The following FAM227B variants were observed in gnomAD, a reference collection of about 807,000 sequenced individuals.
The protein encoded by FAM227B is family with sequence similarity 227 member B, also known as protein FAM227B.
Under a neutral mutation model 73.8 loss-of-function variants are expected in FAM227B, and 88 were observed. The ratio of observed to expected loss-of-function variants is 1.19; its 90% CI spans 1.00 to 1.42. FAM227B has a LOEUF of 1.42. Among genes scored for constraint, FAM227B ranks in the 40% most tolerant of loss-of-function variants. The pLI, the probability that FAM227B is intolerant of heterozygous loss-of-function variation, is 0.00. For missense variants in FAM227B, 632 were observed against 590.9 expected (o/e 1.07, Z -0.72); for synonymous variants, 210 against 190.5 (o/e 1.10, Z -0.84).
At chr15:49,515,180 C>G (rs1301034002) in intron 10 of FAM227B, among the ~76,000 whole-genome samples, 2 of 151,926 alleles carry the variant, frequency 1.3e-5, no homozygotes, top group Non-Finnish European at 2.9e-5. Context: ...TTTTTTCTCT[C>G]TGTGTTTCAG....
intron 11 of FAM227B, chr15:49,484,192 G>C: frequency 1.6e-6 from 1 of 637,808 alleles, no homozygotes; most frequent in Non-Finnish European, 2.7e-6. Context: ...TCAATCTGAG[G>C]GTTAAAAAAA....
In FAM227B at chr15:49,354,427, C is replaced by T. The variant is rs1315099508; in HGVS notation, c.1271+13021G>A. 5.3e-5 allele frequency among the ~76,000 whole-genome samples: 8 copies of T among 152,216 alleles called. 1 individual carries two copies. The highest frequency in any genetic ancestry group is 4.6e-4 in the Admixed American group (7 of 15,282). On this transcript the variant is annotated intron_variant, in intron 13 of 15. Coordinates refer to ENST00000299338, the MANE Select transcript of FAM227B (RefSeq NM_152647.3). ...GCCGAAGCAGGGCGAGGCATTGCCT[C>T]ACTTGGGAAGCGCAAGGGGTCAGGG...
chr15:49,358,725 T>G (rs1567144710), intron 13 of FAM227B, among the ~76,000 whole-genome samples: 3 of 151,622 alleles, frequency 2.0e-5, no homozygotes, highest in Non-Finnish European at 4.4e-5. Context: ...TTCACAGAAT[T>G]GGAAAAAACT....
At chr15:49,399,162 G>A (rs1035397080) in intron 11 of FAM227B, among the ~76,000 whole-genome samples, 16 of 145,924 alleles carry the variant, frequency 1.1e-4, no homozygotes, top group Admixed American at 4.8e-4. Flanking sequence ...AATGATAAAG[G>A]GGATATCACC....
intron 3 of FAM227B, among the ~76,000 whole-genome samples, chr15:49,597,413 G>C (rs1334209352): frequency 6.6e-6 from 1 of 151,750 alleles, no homozygotes; most frequent in Non-Finnish European, 1.5e-5. Flanking sequence ...TTTAAAAATT[G>C]AACTGAACAA....
At chr15:49,588,718 T>C (rs77842741) in intron 4 of FAM227B, among the ~76,000 whole-genome samples, 4,256 of 150,456 alleles carry the variant, frequency 0.028, 216 homozygotes, top group African/African-American at 0.099. Flanking sequence ...TGGGTGTCTG[T>C]GTGTATGTGT....
chr15:49,543,453 G>T (rs1405562075), intron 9 of FAM227B, among the ~76,000 whole-genome samples: 1 of 151,834 alleles, frequency 6.6e-6, no homozygotes, highest in Non-Finnish European at 1.5e-5. Context: ...ACCGACTCAG[G>T]AGGCTGTTTA....
At chr15:49,397,669 C>A (rs1224875172) in intron 11 of FAM227B, among the ~76,000 whole-genome samples, 1 of 152,122 alleles carries the variant, frequency 6.6e-6, no homozygotes, top group Non-Finnish European at 1.5e-5. Flanking sequence ...ACCCTACAAG[C>A]CAGAAGAGAG....
At chr15:49,377,364 T>G (rs2046235809) in intron 11 of FAM227B, among the ~76,000 whole-genome samples, 1 of 152,168 alleles carries the variant, frequency 6.6e-6, no homozygotes, top group African/African-American at 2.4e-5. Flanking sequence ...ATTTCCTTTC[T>G]TTTGGGGGTA....
chr15:49,423,275 C>G (rs2049847346), intron 11 of FAM227B: 2 of 152,128 alleles, frequency 1.3e-5, no homozygotes, highest in Non-Finnish European at 2.9e-5. Context: ...CGCTCACACA[C>G]AGAGAGAAAA....
intron 13 of FAM227B, among the ~76,000 whole-genome samples, chr15:49,357,378 C>T (rs1267544679): frequency 1.6e-4 from 23 of 147,892 alleles, no homozygotes; most frequent in South Asian, 6.5e-4. Context: ...ATCAAATAGA[C>T]GCAATAAAAA....
intron 11 of FAM227B, among the ~76,000 whole-genome samples, chr15:49,437,452 G>A (rs2051209884): frequency 6.6e-6 from 1 of 151,520 alleles, no homozygotes; most frequent in Admixed American, 6.6e-5. Flanking sequence ...AAAGTAAGAG[G>A]CAAAAGAAAG....
At chr15:49,536,484 C>A (rs928532900) in intron 10 of FAM227B, among the ~76,000 whole-genome samples, 29 of 151,828 alleles carry the variant, frequency 1.9e-4, no homozygotes, top group African/African-American at 7.0e-4. Context: ...TATGTCCATA[C>A]TACCCAAACC....
At chr15:49,332,479 T>C (rs1047183519) in intron 14 of FAM227B, among the ~76,000 whole-genome samples, 4 of 152,154 alleles carry the variant, frequency 2.6e-5, no homozygotes, top group African/African-American at 9.7e-5. Context: ...GAAATATTTA[T>C]GAAGGACTTG....
intron 11 of FAM227B, among the ~76,000 whole-genome samples, chr15:49,409,020 T>C (rs2048704414): frequency 6.6e-6 from 1 of 152,230 alleles, no homozygotes; most frequent in Non-Finnish European, 1.5e-5. Flanking sequence ...TCAGTTTTCT[T>C]GGTGCCTTCA....
chr15:49,404,177 C>T (rs2048360413), intron 11 of FAM227B, among the ~76,000 whole-genome samples: 1 of 152,022 alleles, frequency 6.6e-6, no homozygotes, highest in Non-Finnish European at 1.5e-5. Flanking sequence ...GTTCTGTGTT[C>T]AATTATATGA....
At chr15:49,539,199 T>C (rs1374315095) in intron 10 of FAM227B, among the ~76,000 whole-genome samples, 1 of 152,124 alleles carries the variant, frequency 6.6e-6, no homozygotes, top group Non-Finnish European at 1.5e-5. Flanking sequence ...CTCTGTCAGA[T>C]GAGGTCAGCA....
At chr15:49,366,650 G>A (rs1596599393) in intron 13 of FAM227B, 1 of 1,563,252 alleles carries the variant, frequency 6.4e-7, no homozygotes, top group Non-Finnish European at 8.8e-7. Flanking sequence ...GAGCAGGGCG[G>A]CCGTGGCAGG....
At chr15:49,536,211 T>G (rs1376842482) in intron 10 of FAM227B, among the ~76,000 whole-genome samples, 1 of 151,730 alleles carries the variant, frequency 6.6e-6, no homozygotes, top group Non-Finnish European at 1.5e-5. Context: ...TTAGAACTGA[T>G]AAGTGATTTC....
Sources: allele counts gnomAD v4.1 joint callset (sites outside exome capture counted in the v4.1 genomes callset), GRCh38; gene constraint gnomAD v4.1.1; transcripts MANE v1.5; gene names NCBI Gene and HGNC (gene_info 2026-07-23, HGNC 2026-07-21).